MGST1: variants seen among roughly 807,000 people sequenced by gnomAD.
The protein encoded by MGST1 is microsomal glutathione S-transferase 1, also known as glutathione S-transferase 12.
Under a neutral mutation model 8.9 loss-of-function variants are expected in MGST1, and 5 were observed. The observed-to-expected ratio is 0.56, with a 90% confidence interval of 0.29 to 1.19. The LOEUF is 1.19. Ranked by LOEUF, MGST1 falls within the 50% of genes most tolerant of loss-of-function variation. MGST1 has a pLI of 0.08. For synonymous variants in MGST1, 54 were observed against 67.8 expected (o/e 0.80, Z 1.00); for missense variants, 182 against 187.4 (o/e 0.97, Z 0.17).
At chr12:16,562,035 T>C (rs1942426116) in intron 4 of MGST1, among the ~76,000 whole-genome samples, 1 of 152,234 alleles carries the variant, frequency 6.6e-6, no homozygotes, top group Non-Finnish European at 1.5e-5. Context: ...GTAACCTTCA[T>C]GTTCTCCTTT....
In MGST1 at chr12:16,582,661, T is replaced by C. The variant is rs1302804172; in HGVS notation, n.483-6867T>C. 1.3e-5 allele frequency among the ~76,000 whole-genome samples: 2 copies of C among 152,250 alleles called. No individual in the cohort carries two copies. Among genetic ancestry groups the C allele is most frequent in the Admixed American group, 6.5e-5 (1 of 15,292 alleles). ...AACCATGAGGACAAATAACATCTCCTAGGAAAAATAAGTATACCACAACAA... is the reference window on the plus strand; with the variant it reads ...AACCATGAGGACAAATAACATCTCCCAGGAAAAATAAGTATACCACAACAA... On this transcript the variant is annotated intron_variant and non_coding_transcript_variant, in intron 4 of 4. Coordinates refer to the MGST1 transcript ENST00000538857. This position sits in a 1 kb window ranked among gnomAD's most constrained non-coding sequence, Gnocchi z 4.1.
chr12:16,534,382 A>G (rs1030216905), intron 4 of MGST1, among the ~76,000 whole-genome samples: 2 of 152,188 alleles, frequency 1.3e-5, no homozygotes, highest in African/African-American at 2.4e-5. Flanking sequence ...TCCTCAACAC[A>G]GTCACTGATT....
chr12:16,388,577 T>C (rs2900377), intron 1 of MGST1, among the ~76,000 whole-genome samples: 72,249 of 152,020 alleles, frequency 0.48, 17,487 homozygotes, highest in East Asian at 0.71. Context: ...TGGTGTCTAC[T>C]GTATTCCCTG....
At chr12:16,583,338 G>A (rs746427185) in intron 4 of MGST1, among the ~76,000 whole-genome samples, 1 of 152,190 alleles carries the variant, frequency 6.6e-6, no homozygotes, top group East Asian at 1.9e-4. Flanking sequence ...GACAATAGGG[G>A]AATTGATAAC....
At chr12:16,590,420 A>G (rs1943454593), downstream of MGST1, among the ~76,000 whole-genome samples, 1 of 152,054 alleles carries the variant, frequency 6.6e-6, no homozygotes, top group African/African-American at 2.4e-5. Context: ...TCATAACTAG[A>G]GCAAATATAT....
At chr12:16,472,560 T>A (rs1018285297) in intron 4 of MGST1, among the ~76,000 whole-genome samples, 2 of 152,230 alleles carry the variant, frequency 1.3e-5, no homozygotes, top group Admixed American at 1.3e-4. Context: ...TGGTATCACA[T>A]GACATTTCCA....
chr12:16,467,447 CTG>C (rs1002726044), intron 4 of MGST1, among the ~76,000 whole-genome samples: 1 of 152,136 alleles, frequency 6.6e-6, no homozygotes, highest in African/African-American at 2.4e-5. Context: ...TAAAATGGAA[CTG>C]TGACTCATAT....
intron 4 of MGST1, among the ~76,000 whole-genome samples, chr12:16,506,198 A>C (rs1941536984): frequency 6.6e-6 from 1 of 152,180 alleles, no homozygotes; most frequent in Admixed American, 6.5e-5. Flanking sequence ...TGGTAATAAC[A>C]ATAGCCACTG....
chr12:16,447,208 C>G (rs1007624207), intron 4 of MGST1, among the ~76,000 whole-genome samples: 5 of 151,866 alleles, frequency 3.3e-5, no homozygotes, highest in African/African-American at 1.2e-4. Context: ...AATAAACTCT[C>G]CTTTATCTAG....
chr12:16,474,439 T>G (rs927948354), intron 4 of MGST1, among the ~76,000 whole-genome samples: 1 of 152,238 alleles, frequency 6.6e-6, no homozygotes, highest in Non-Finnish European at 1.5e-5. Context: ...TTATTGGATT[T>G]CATTCAATTT....
Position 16,526,808 on chromosome 12 carries a change from A to G in MGST1, n.483-62720A>G, listed in dbSNP as rs74751830. ...GGGAGAAGCCCTGTTTTGAATGCCAAAATCTGGAAAAAGTGAGTCATGATG... is the reference window on the plus strand; with the variant it reads ...GGGAGAAGCCCTGTTTTGAATGCCAGAATCTGGAAAAAGTGAGTCATGATG... On this transcript the variant is annotated intron_variant and non_coding_transcript_variant, in intron 4 of 4. Coordinates refer to the MGST1 transcript ENST00000538857. Among the ~76,000 whole-genome samples the G allele has an allele frequency of 8.8e-3, 1,334 of 152,078 alleles. 54 individuals carry two copies. In the East Asian group the frequency reaches 0.14, roughly 16 times the overall value.
intron 1 of MGST1, among the ~76,000 whole-genome samples, chr12:16,352,210 G>T (rs1370489461): frequency 6.6e-6 from 1 of 152,138 alleles, no homozygotes; most frequent in Admixed American, 6.5e-5. Flanking sequence ...TAGTATAGTT[G>T]AACACATAGC....
rs1202591159 is a variant in MGST1, at chr12:16,354,180, AT to A, written c.-22-47del. Reference sequence around the variant, plus strand: ...AAGAACATCAAATGATCTTCCAGTTATTTTGGGTATTTATGTCTGCTTTTTC... The same window carrying A: ...AAGAACATCAAATGATCTTCCAGTTATTTGGGTATTTATGTCTGCTTTTTC... On this transcript the variant is annotated intron_variant, in intron 1 of 3. Transcript: ENST00000396210. The A allele has an allele frequency of 8.4e-6, 11 of 1,316,594 alleles. No homozygotes were observed. In the East Asian group the frequency reaches 2.7e-4, roughly 32 times the overall value. 81.6% of individuals were successfully genotyped at this position (1,316,594 alleles called of 1,614,324 possible).
rs527626939 is a variant in MGST1, at chr12:16,521,884, C to T, written n.483-67644C>T. 3.3e-5 allele frequency among the ~76,000 whole-genome samples: 5 copies of T among 152,050 alleles called. No homozygotes were observed. The East Asian group carries it at 7.7e-4, about 23-fold the overall frequency. On this transcript the variant is annotated intron_variant and non_coding_transcript_variant, in intron 4 of 4. Transcript: ENST00000538857. ...CTAACAAGGTGAGTGAAAACCATTC[C>T]GAGAACACTATTGTCAAGAGACACC...
chr12:16,470,256 A>C (rs2137133758), intron 4 of MGST1, among the ~76,000 whole-genome samples: 1 of 152,338 alleles, frequency 6.6e-6, no homozygotes, highest in African/African-American at 2.4e-5. Flanking sequence ...GATTTCCAGA[A>C]TATCTGCTGA....
chr12:16,394,587 C>G (rs1414002428), intron 1 of MGST1, among the ~76,000 whole-genome samples: 1 of 124,942 alleles, frequency 8.0e-6, no homozygotes, highest in African/African-American at 2.9e-5. Flanking sequence ...CTCTCTGTCT[C>G]TCTTTTTTCT....
At chr12:16,480,926 AAAAC>A (rs1278097723) in intron 4 of MGST1, among the ~76,000 whole-genome samples, 1 of 152,212 alleles carries the variant, frequency 6.6e-6, no homozygotes, top group Non-Finnish European at 1.5e-5. Context: ...AACAAACAAA[AAAAC>A]AAAAAATTAA....
chr12:16,541,650 T>C (rs1591755484), intron 4 of MGST1, among the ~76,000 whole-genome samples: 1 of 152,132 alleles, frequency 6.6e-6, no homozygotes, highest in Non-Finnish European at 1.5e-5. Flanking sequence ...ATAAAACAGA[T>C]ACCAGAAACT....
intron 1 of MGST1, among the ~76,000 whole-genome samples, chr12:16,432,158 C>T (rs1940944096): frequency 6.6e-6 from 1 of 152,014 alleles, no homozygotes; most frequent in Admixed American, 6.6e-5. Context: ...GTATCAGATC[C>T]CTGGCCGATA....
Sources: allele counts gnomAD v4.1 joint callset (sites outside exome capture counted in the v4.1 genomes callset), GRCh38; gene constraint gnomAD v4.1.1; non-coding constraint Gnocchi (gnomAD v3.1); transcripts MANE v1.5; gene names NCBI Gene and HGNC (gene_info 2026-07-23, HGNC 2026-07-21).